The following TMEM38B variants were observed in gnomAD, a reference collection of about 807,000 sequenced individuals.
TMEM38B encodes the protein transmembrane protein 38B.
A neutral mutation model predicts 28.7 loss-of-function variants in TMEM38B; 24 were observed. The observed-to-expected ratio is 0.84, with a 90% confidence interval of 0.61 to 1.18. The LOEUF is 1.18. Ranked by LOEUF, TMEM38B falls within the 50% of genes most tolerant of loss-of-function variation. The pLI is 0.00. For synonymous variants in TMEM38B, 131 were observed against 127.7 expected (o/e 1.03, Z -0.17); for missense variants, 380 against 350.9 (o/e 1.08, Z -0.66).
At chr9:105,759,474 CAG>C (rs1837957762) in intron 5 of TMEM38B, 4 of 1,577,580 alleles carry the variant, frequency 2.5e-6, no homozygotes, top group African/African-American at 1.4e-5. Flanking sequence ...ATTTAAGAAA[CAG>C]AGGAGTGAGT....
rs764322474 is a variant in TMEM38B at position 105,773,847 on chromosome 9, TA to T, written c.661-15del. 5.0e-6 allele frequency: 8 copies of T among 1,590,126 alleles called. No homozygotes were observed. Among genetic ancestry groups the T allele is most frequent in the Non-Finnish European group, 6.9e-6 (8 of 1,167,766 alleles). On this transcript the variant is annotated splice_polypyrimidine_tract_variant and intron_variant, in intron 5 of 5. Transcript: ENST00000374692. ...AATCATTTGTATTTAAATTCAAAAT[TA>T]AACTTTTTTCCCCCAGATAACCATG...
At chr9:105,726,321 A>G (rs1312754648) in intron 4 of TMEM38B, among the ~76,000 whole-genome samples, 1 of 152,172 alleles carries the variant, frequency 6.6e-6, no homozygotes, top group Admixed American at 6.6e-5. Context: ...AAACACAAAC[A>G]TTATACAGTT....
intron 5 of TMEM38B, among the ~76,000 whole-genome samples, chr9:105,767,426 C>T (rs1487321081): frequency 6.6e-6 from 1 of 152,122 alleles, no homozygotes; most frequent in Non-Finnish European, 1.5e-5. Context: ...TAGTCTACAT[C>T]TTTTATATTT....
At chr9:105,737,486 C>T (rs1201129973) in intron 4 of TMEM38B, among the ~76,000 whole-genome samples, 8 of 152,174 alleles carry the variant, frequency 5.3e-5, no homozygotes, top group Non-Finnish European at 1.2e-4. Flanking sequence ...ACAACAGTTA[C>T]CCAGTAATGG....
At chr9:105,699,496 C>T (rs142103490) in intron 1 of TMEM38B, among the ~76,000 whole-genome samples, 90 of 152,282 alleles carry the variant, frequency 5.9e-4, no homozygotes, top group African/African-American at 1.9e-3. Flanking sequence ...CCATTTATAT[C>T]GGATCTTTTG....
intron 1 of TMEM38B, among the ~76,000 whole-genome samples, chr9:105,695,434 A>G (rs1262855117): frequency 6.6e-6 from 1 of 152,192 alleles, no homozygotes; most frequent in East Asian, 1.9e-4. Context: ...TGTACAAGCA[A>G]GAGTTACCTG....
At chr9:105,763,881 C>T (rs1384443580) in intron 5 of TMEM38B, among the ~76,000 whole-genome samples, 4 of 150,968 alleles carry the variant, frequency 2.6e-5, no homozygotes, top group Non-Finnish European at 5.9e-5. Context: ...AGCTTATCCA[C>T]CATGATCAAG....
rs780348043 is a variant in TMEM38B at position 105,721,677 on chromosome 9, A to G, written c.410A>G (p.Tyr137Cys). 5 of 1,613,352 alleles carry G rather than the reference A, an allele frequency of 3.1e-6. No individual in the cohort carries two copies. The Admixed American group carries it at 8.3e-5, about 27-fold the overall frequency. Residue 137 changes from tyrosine (Y) to cysteine (C), a missense_variant, in exon 3 of 6, where the codon TAC becomes TGC. Coordinates refer to ENST00000374692, the MANE Select transcript of TMEM38B (RefSeq NM_018112.3). ...VGGVTHANSYYKNGWIVMIAI... is the reference protein window; with the variant it reads ...VGGVTHANSYCKNGWIVMIAI... ...GGAGTCACACATGCTAATAGCTATT[A>G]CAAAAATGGCTGGATAGTCATGATA...
chr9:105,773,904 G>T lies in TMEM38B; in HGVS notation c.700G>T (p.Ala234Ser). The T allele has an allele frequency of 2.5e-6, 4 of 1,613,572 alleles. No individual in the cohort carries two copies. Among genetic ancestry groups the T allele is most frequent in the Non-Finnish European group, 3.4e-6 (4 of 1,179,690 alleles). ...MTTQTSTMTFAPFEDTLSWML... is the reference protein window; with the variant it reads ...MTTQTSTMTFSPFEDTLSWML... ...TACACAGACTTCTACTATGACATTT[G>T]CTCCTTTTGAGGATACATTGAGTTG... The change falls in exon 6 of 6, where the codon GCT becomes TCT. Residue 234 changes from alanine to serine, a missense_variant. Transcript: ENST00000374692.
At chr9:105,723,829 G>A (rs534676406) in intron 4 of TMEM38B, among the ~76,000 whole-genome samples, 9 of 138,906 alleles carry the variant, frequency 6.5e-5, no homozygotes, top group East Asian at 2.2e-4. Context: ...GTGCCTGGCC[G>A]AACTCAGTCT....
intron 1 of TMEM38B, among the ~76,000 whole-genome samples, chr9:105,705,354 A>G (rs953032601): frequency 3.3e-5 from 5 of 152,246 alleles, no homozygotes; most frequent in African/African-American, 1.2e-4. Flanking sequence ...ATGACAGCCT[A>G]AACAGAACAG....
chr9:105,703,589 T>C (rs950688481), intron 1 of TMEM38B, among the ~76,000 whole-genome samples: 11 of 152,300 alleles, frequency 7.2e-5, no homozygotes, highest in Admixed American at 4.6e-4. Flanking sequence ...GGTCAAATGG[T>C]ATTTCCAGTT....
intron 2 of TMEM38B, among the ~76,000 whole-genome samples, chr9:105,707,761 G>C (rs1835729657): frequency 6.6e-6 from 1 of 152,158 alleles, no homozygotes; most frequent in Admixed American, 6.5e-5. Flanking sequence ...GTAAGTGGTT[G>C]AGCTAGAATC....
intron 5 of TMEM38B, among the ~76,000 whole-genome samples, chr9:105,768,675 A>G (rs931217285): frequency 5.3e-5 from 8 of 152,012 alleles, no homozygotes; most frequent in Non-Finnish European, 8.8e-5. Context: ...TAAGTTTTTT[A>G]TTGTTGGCAT....
At chr9:105,701,934 G>T (rs370476978) in intron 1 of TMEM38B, among the ~76,000 whole-genome samples, 22 of 152,274 alleles carry the variant, frequency 1.4e-4, no homozygotes, top group African/African-American at 5.3e-4. Context: ...TTGATCTAAG[G>T]CTGGGTGCAG....
At chr9:105,762,748 T>A (rs1172466477) in intron 5 of TMEM38B, among the ~76,000 whole-genome samples, 1 of 148,510 alleles carries the variant, frequency 6.7e-6, no homozygotes, top group African/African-American at 2.5e-5. Flanking sequence ...AGCAGCATGA[T>A]TTATAGTCCT....
At chr9:105,765,219 TG>T (rs1348281308) in intron 5 of TMEM38B, among the ~76,000 whole-genome samples, 1 of 152,228 alleles carries the variant, frequency 6.6e-6, no homozygotes, top group East Asian at 1.9e-4. Flanking sequence ...TAAAATTATT[TG>T]GGGTTTAGTT....
At chr9:105,758,863 A>G in intron 5 of TMEM38B, 1 of 1,011,728 alleles carries the variant, frequency 9.9e-7, no homozygotes, top group South Asian at 1.3e-5. Context: ...GATAATAGAA[A>G]ACTAAGCCAG....
chr9:105,767,508 C>T (rs1826414522), intron 5 of TMEM38B, among the ~76,000 whole-genome samples: 1 of 152,144 alleles, frequency 6.6e-6, no homozygotes, highest in Non-Finnish European at 1.5e-5. Context: ...TTTGAGATTG[C>T]ATCTATAGAT....
Sources: allele counts gnomAD v4.1 joint callset (sites outside exome capture counted in the v4.1 genomes callset), GRCh38; gene constraint gnomAD v4.1.1; transcripts MANE v1.5; gene names NCBI Gene and HGNC (gene_info 2026-07-23, HGNC 2026-07-21).